Variants in MALSU1 observed in about 807,000 individuals in gnomAD.
The protein encoded by MALSU1 is mitochondrial assembly of ribosomal large subunit protein 1.
A neutral mutation model predicts 22.1 loss-of-function variants in MALSU1; 22 were observed. The ratio of observed to expected loss-of-function variants is 1.00; its 90% confidence interval spans 0.71 to 1.42. MALSU1 has a LOEUF of 1.42. Ranked by LOEUF, MALSU1 falls within the 40% of genes most tolerant of loss-of-function variation. MALSU1 has a pLI of 0.00. For missense variants in MALSU1, 379 were observed against 308.3 expected (o/e 1.23, Z -1.72); for synonymous variants, 153 against 118.5 (o/e 1.29, Z -1.89).
intron 2 of MALSU1, among the ~76,000 whole-genome samples, chr7:23,301,758 C>G (rs1288891512): frequency 1.3e-5 from 2 of 152,086 alleles, no homozygotes; most frequent in African/African-American, 4.8e-5. Context: ...ATCACAAGGT[C>G]AAAAGATCAA....
chr7:23,306,696 A>G (rs1254152092), intron 2 of MALSU1, among the ~76,000 whole-genome samples: 4 of 152,192 alleles, frequency 2.6e-5, no homozygotes, highest in Admixed American at 6.5e-5. Context: ...ATTATCATAT[A>G]GATTTTTTCT....
At position 23,299,476 on chromosome 7, in the gene MALSU1, C is replaced by T. The variant is rs768241257; in HGVS notation, c.124C>T (p.Leu42Phe). ...GCTTCGGCTGCTGGCCGTGCAGCGG[C>T]TTCCCGTAGGAGCAGCGTTCTGCCG... ...PGLRLLAVQR[L>F]PVGAAFCRAC... The change falls in exon 1 of 4, where the codon CTT becomes TTT. Residue 42 changes from leucine (L) to phenylalanine (F), a missense_variant. Leu to Phe is a conservative substitution (Grantham distance 22, BLOSUM62 0). Coordinates refer to ENST00000466681, the MANE Select transcript of MALSU1 (RefSeq NM_138446.2). 6.2e-7 allele frequency: 1 copy of T among 1,610,416 alleles called. No homozygotes were observed. The highest frequency in any genetic ancestry group is 2.2e-5 in the East Asian group (1 of 44,860).
chr7:23,307,906 G>C lies in MALSU1; in HGVS notation c.474G>C (p.Lys158Asn). The stretch of plus-strand genomic sequence containing the variant: ...AATGTAAACGTGACCCTCATGTTAA[G>C]ATAGAAGGGAAGGACACTGATGACT... ...HLKCKRDPHVKIEGKDTDDWL... is the reference protein window; with the variant it reads ...HLKCKRDPHVNIEGKDTDDWL... The change falls in exon 3 of 4, where the codon AAG becomes AAC. Residue 158 changes from lysine to asparagine, a missense_variant. Transcript: ENST00000466681. The C allele has an allele frequency of 6.2e-7, 1 of 1,614,024 alleles. No homozygotes were observed. Among genetic ancestry groups the C allele is most frequent in the East Asian group, 2.2e-5 (1 of 44,882 alleles).
rs576131262 is a variant in MALSU1, at chr7:23,310,842, G to A, written c.*1299G>A. The A allele has an allele frequency of 2.0e-5, 3 of 151,816 alleles. No individual in the cohort carries two copies. The highest frequency in any genetic ancestry group is 7.3e-5 in the African/African-American group (3 of 41,282). 9.4% of individuals were successfully genotyped at this position (151,816 alleles called of 1,614,324 possible). On this transcript the variant is annotated 3_prime_UTR_variant, in exon 4 of 4. Transcript: ENST00000466681. ...TCCTTTAGATCAGTGTAACATGACTGTGATCATCTTACAAACAAAACTCAA... is the reference window on the plus strand; with the variant it reads ...TCCTTTAGATCAGTGTAACATGACTATGATCATCTTACAAACAAAACTCAA...
At chr7:23,301,555 G>A (rs1269503227) in intron 2 of MALSU1, among the ~76,000 whole-genome samples, 1 of 152,144 alleles carries the variant, frequency 6.6e-6, no homozygotes, top group East Asian at 1.9e-4. Flanking sequence ...CACCTCACCC[G>A]GCCGGAAAAT....
chr7:23,299,692 C>G (rs1006267454), intron 1 of MALSU1, 84 bp downstream of exon 1: 2 of 1,426,600 alleles, frequency 1.4e-6, no homozygotes, highest in Middle Eastern at 2.0e-4. Flanking sequence ...GGGTTCCCCT[C>G]TATGTGCATT....
chr7:23,309,706 G>A lies in MALSU1; in HGVS notation c.*163G>A. Reference sequence around the variant, plus strand: ...TGGCATGCAGAGACTGTCGATAAGTGAGCTATACCTGCAACCAAAAATCAG... The same window carrying A: ...TGGCATGCAGAGACTGTCGATAAGTAAGCTATACCTGCAACCAAAAATCAG... On this transcript the variant is annotated 3_prime_UTR_variant, in exon 4 of 4. Transcript: ENST00000466681. 4.3e-6 allele frequency: 2 copies of A among 461,632 alleles called. No individual in the cohort carries two copies. The highest frequency in any genetic ancestry group is 7.5e-6 in the Non-Finnish European group (2 of 266,490). 28.6% of individuals were successfully genotyped at this position (461,632 alleles called of 1,614,324 possible). A position where few individuals can be genotyped will look rare whatever the true frequency, so the allele number is the denominator to read the frequency against.
rs1328506414 is a variant in MALSU1 at position 23,307,923 on chromosome 7, CT to C, written c.492del (p.Asp165MetfsTer12). 6.2e-7 allele frequency: 1 copy of C among 1,613,742 alleles called. No individual in the cohort carries two copies. The highest frequency in any genetic ancestry group is 1.3e-5 in the African/African-American group (1 of 74,920). ...DPHVKIEGKD[T>X]DDWLCVDFGS... ...CATGTTAAGATAGAAGGGAAGGACA[CT>C]GATGACTGGCTGTGCGTGGATTTTG... On this transcript the variant is annotated frameshift_variant, in exon 3 of 4. Coordinates refer to ENST00000466681, the MANE Select transcript of MALSU1 (RefSeq NM_138446.2). LOFTEE classifies it high-confidence loss of function.
intron 1 of MALSU1, 135 bp downstream of exon 1, chr7:23,299,743 A>C (rs1783616451): frequency 9.3e-7 from 1 of 1,073,616 alleles, no homozygotes; most frequent in Admixed American, 2.9e-5. Context: ...CAGAGCTGGA[A>C]GGGACTTCAA....
chr7:23,307,855 T>TG lies in MALSU1; in HGVS notation c.436-11dup. On this transcript the variant is annotated splice_polypyrimidine_tract_variant and intron_variant, in intron 2 of 3. Coordinates refer to ENST00000466681, the MANE Select transcript of MALSU1 (RefSeq NM_138446.2). ...TCCCCTCTCCCTTTAATAAACCACCTGGCTTTTTGCAGTACAAACACCTGA... is the reference window on the plus strand; with the variant it reads ...TCCCCTCTCCCTTTAATAAACCACCTGGGCTTTTTGCAGTACAAACACCTGA... 1 of 1,603,782 alleles carries TG rather than the reference T, an allele frequency of 6.2e-7. No individual in the cohort carries two copies. The highest frequency in any genetic ancestry group is 8.5e-7 in the Non-Finnish European group (1 of 1,171,750).
chr7:23,308,567 G>A (rs1046276638), intron 3 of MALSU1, among the ~76,000 whole-genome samples: 1 of 152,126 alleles, frequency 6.6e-6, no homozygotes, highest in African/African-American at 2.4e-5. Flanking sequence ...ACTATTAGAG[G>A]GTTAGAGACA....
intron 2 of MALSU1, among the ~76,000 whole-genome samples, chr7:23,304,296 A>G (rs1783695572): frequency 6.6e-6 from 1 of 151,968 alleles, no homozygotes; most frequent in African/African-American, 2.4e-5. Context: ...ACCACTTTAC[A>G]TTTCTCTAGC....
intron 2 of MALSU1, among the ~76,000 whole-genome samples, chr7:23,302,298 G>A (rs1414314461): frequency 6.6e-6 from 1 of 152,190 alleles, no homozygotes; most frequent in Non-Finnish European, 1.5e-5. Context: ...GTACTTGGAA[G>A]CCTCTAGCTG....
At chr7:23,308,551 G>T (rs1783755347) in intron 3 of MALSU1, among the ~76,000 whole-genome samples, 1 of 152,126 alleles carries the variant, frequency 6.6e-6, no homozygotes, top group Non-Finnish European at 1.5e-5. Context: ...ACTGGTAAAA[G>T]ACAAGACTAT....
rs771992350 is a variant in MALSU1, at chr7:23,309,370, C to G, written c.532C>G (p.His178Asp). 2.5e-6 allele frequency: 4 copies of G among 1,610,452 alleles called. No homozygotes were observed. The highest frequency in any genetic ancestry group is 3.4e-6 in the Non-Finnish European group (4 of 1,178,836). Reference protein sequence around the residue: ...LCVDFGSMVIHLMLPETREIY... With the variant: ...LCVDFGSMVIDLMLPETREIY... ...GTCCCTGACAGGCAGCATGGTGATT[C>G]ATTTGATGCTTCCAGAAACCAGAGA... The change falls in exon 4 of 4, where the codon CAT becomes GAT. Residue 178 changes from histidine to aspartate, a missense_variant. By Grantham distance (81) the His-to-Asp change is moderately conservative (BLOSUM62 -1). Coordinates refer to ENST00000466681, the MANE Select transcript of MALSU1 (RefSeq NM_138446.2).
Position 23,311,060 on chromosome 7 carries a change from GA to G in MALSU1, c.*1518del, listed in dbSNP as rs1783814128. Reference sequence around the variant, plus strand: ...CTTTTGACTTTTTTTTCAAAGAACTGATTGCACAGTATACAGAAATCCTGTT... The same window carrying G: ...CTTTTGACTTTTTTTTCAAAGAACTGTTGCACAGTATACAGAAATCCTGTT... On this transcript the variant is annotated 3_prime_UTR_variant, in exon 4 of 4. Transcript: ENST00000466681. 2 of 151,726 alleles carry G rather than the reference GA, an allele frequency of 1.3e-5. No individual in the cohort carries two copies. The highest frequency in any genetic ancestry group is 4.8e-5 in the African/African-American group (2 of 41,302). The allele number at this position is 151,726 out of a possible 1,614,324, so 9.4% of individuals were successfully genotyped here.
chr7:23,309,331 TG>T (rs1210774630), intron 3 of MALSU1, 24 bp from the exon 4 acceptor site: 13 of 1,582,338 alleles, frequency 8.2e-6, no homozygotes, highest in South Asian at 1.2e-5. Flanking sequence ...ATTCCTTCAT[TG>T]TATCTCTTAT....
rs113921760 is a variant in MALSU1, at chr7:23,310,966, G to A, written c.*1423G>A. The A allele has an allele frequency of 3.3e-5, 5 of 152,154 alleles. No individual in the cohort carries two copies. Among genetic ancestry groups the A allele is most frequent in the Admixed American group, 6.5e-5 (1 of 15,284 alleles). The allele number at this position is 152,154 out of a possible 1,614,324, so 9.4% of individuals were successfully genotyped here. On this transcript the variant is annotated 3_prime_UTR_variant, in exon 4 of 4. Coordinates refer to ENST00000466681, the MANE Select transcript of MALSU1 (RefSeq NM_138446.2). The stretch of plus-strand genomic sequence containing the variant: ...TGTCAAGGAGTGAGCAAATGAGTTC[G>A]TTATCAAAGGTCATATGTTTTCACA...
intron 2 of MALSU1, among the ~76,000 whole-genome samples, chr7:23,306,382 T>C (rs1024032153): frequency 3.0e-4 from 45 of 152,260 alleles, no homozygotes; most frequent in African/African-American, 1.1e-3. Context: ...TATGAAGTTG[T>C]ATTGTCTTCA....
Sources: allele counts gnomAD v4.1 joint callset (sites outside exome capture counted in the v4.1 genomes callset), GRCh38; gene constraint gnomAD v4.1.1; transcripts MANE v1.5; gene names NCBI Gene and HGNC (gene_info 2026-07-23, HGNC 2026-07-21).